The following CDC16 variants were observed in gnomAD, a reference collection of about 807,000 sequenced individuals.
CDC16 encodes cell division cycle protein 16 homolog.
A neutral mutation model predicts 87.0 loss-of-function variants in CDC16; 34 were observed. The ratio of observed to expected loss-of-function variants is 0.39; its 90% CI spans 0.30 to 0.52. The LOEUF (loss-of-function observed/expected upper bound fraction) is 0.52, where lower values mean the gene tolerates loss of function less well. Ranked by LOEUF, CDC16 falls within the 20% of genes least tolerant of loss-of-function variation. CDC16 has a pLI of 0.74. For missense variants in CDC16, 653 were observed against 751.9 expected (o/e 0.87, Z 1.54); for synonymous variants, 263 against 260.6 (o/e 1.01, Z -0.09).
chr13:114,257,761 G>A (rs2082596819), intron 13 of CDC16, among the ~76,000 whole-genome samples: 1 of 151,946 alleles, frequency 6.6e-6, no homozygotes, highest in Admixed American at 6.6e-5. Context: ...TTTTAAAATG[G>A]TAAATTAGTT....
At position 114,238,236 on chromosome 13, in the gene CDC16, C is replaced by T. The variant is rs868810979; in HGVS notation, c.202-754C>T. Among the ~76,000 whole-genome samples the T allele has an allele frequency of 3.3e-3, 444 of 134,076 alleles. 1 individual carries two copies. Among genetic ancestry groups the T allele is most frequent in the African/African-American group, 0.013 (388 of 30,788 alleles). 88.0% of individuals were successfully genotyped at this position (134,076 alleles called of 152,430 possible). A position where few individuals can be genotyped will look rare whatever the true frequency, so the allele number is the denominator to read the frequency against. On this transcript the variant is annotated intron_variant, in intron 3 of 17. Coordinates refer to ENST00000356221, the MANE Select transcript of CDC16 (RefSeq NM_001078645.3). ...TGAAGTGGAGCTGCTGCGATCTCCT[C>T]GGACGCCCAGCAGTTATTCACACTC...
intron 8 of CDC16, 84 bp from the exon 9 acceptor site, chr13:114,244,806 T>C: frequency 1.3e-6 from 1 of 775,756 alleles, no homozygotes; most frequent in Non-Finnish European, 2.2e-6. Flanking sequence ...TGTGATACCA[T>C]AATGACTGTC....
intron 9 of CDC16, chr13:114,245,724 A>G (rs1594582336): frequency 6.3e-6 from 2 of 318,928 alleles, no homozygotes; most frequent in East Asian, 1.3e-4. Flanking sequence ...TTGGTGTGAC[A>G]GGCATGAGCT....
At chr13:114,241,569 T>C (rs929483756) in intron 5 of CDC16, among the ~76,000 whole-genome samples, 1 of 152,218 alleles carries the variant, frequency 6.6e-6, no homozygotes, top group Non-Finnish European at 1.5e-5. Context: ...CTAGTAGCCG[T>C]GACATGTACT....
chr13:114,235,189 C>T, intron 1 of CDC16, 57 bp downstream of exon 1: 4 of 1,149,832 alleles, frequency 3.5e-6, no homozygotes, highest in African/African-American at 1.6e-5. Context: ...TTTTTCCGCG[C>T]GGCGTGGGGC....
chr13:114,240,011 T>A (rs893763711), intron 5 of CDC16, among the ~76,000 whole-genome samples: 12 of 149,814 alleles, frequency 8.0e-5, no homozygotes, highest in Admixed American at 8.0e-4. Flanking sequence ...AATCTGGATT[T>A]AAAAAAAAAA....
chr13:114,244,827 C>T (rs999403130), intron 8 of CDC16, 63 bp from the exon 9 acceptor site: 16 of 959,238 alleles, frequency 1.7e-5, no homozygotes, highest in Non-Finnish European at 2.0e-5. Flanking sequence ...TACACATAGC[C>T]GATCGTCGTG....
rs779539760 is a variant in CDC16, at chr13:114,244,943, C to T, written c.821C>T (p.Thr274Met). 11 of 1,604,562 alleles carry T rather than the reference C, an allele frequency of 6.9e-6. No individual in the cohort carries two copies. The highest frequency in any genetic ancestry group is 6.7e-5 in the African/African-American group (5 of 74,556). Residue 274 changes from threonine to methionine, a missense_variant, in exon 9 of 18, where the codon ACG (threonine) becomes ATG (methionine). By Grantham distance (81) the Thr-to-Met change is moderately conservative (BLOSUM62 -1). Transcript: ENST00000356221. Reference sequence around the variant, plus strand: ...AGTTGTTTACCTGTACATATAGGGACGCTTGTAGAGCTGAATAAAGCCAAT... The same window carrying T: ...AGTTGTTTACCTGTACATATAGGGATGCTTGTAGAGCTGAATAAAGCCAAT... ...HASCLPVHIGTLVELNKANEL... is the reference protein window; with the variant it reads ...HASCLPVHIGMLVELNKANEL...
rs2081414655 is a variant in CDC16 at position 114,239,179 on chromosome 13, T to C, written c.240+151T>C. ...TTCCTTTCCTTAGTCATGTTTGCTA[T>C]AAAATACTGATTCTTCGTTTACCAC... is the stretch of plus-strand genomic sequence containing the variant. On this transcript the variant is annotated intron_variant, in intron 4 of 17. Coordinates refer to ENST00000356221, the MANE Select transcript of CDC16 (RefSeq NM_001078645.3). 9 of 1,408,924 alleles carry C rather than the reference T, an allele frequency of 6.4e-6. No homozygotes were observed. The African/African-American group carries it at 7.1e-5, about 11-fold the overall frequency. 87.3% of individuals were successfully genotyped at this position (1,408,924 alleles called of 1,614,324 possible). A position where few individuals can be genotyped will look rare whatever the true frequency, so the allele number is the denominator to read the frequency against.
intron 6 of CDC16, among the ~76,000 whole-genome samples, chr13:114,243,001 G>A (rs1347708182): frequency 6.6e-6 from 1 of 152,170 alleles, no homozygotes; most frequent in Non-Finnish European, 1.5e-5. Context: ...GGAGTGCGGA[G>A]GCTGGTGGTT....
In CDC16 at chr13:114,234,934, G is replaced by A; in HGVS notation, c.-151G>A. On this transcript the variant is annotated 5_prime_UTR_variant, in exon 1 of 18. Transcript: ENST00000356221. Reference sequence around the variant, plus strand: ...CTGGGTGGGGGGTGCGGGTGTGGGTGGGGACCTGCGGCCTTCGAGTCCGCG... The same window carrying A: ...CTGGGTGGGGGGTGCGGGTGTGGGTAGGGACCTGCGGCCTTCGAGTCCGCG... 2.3e-6 allele frequency: 1 copy of A among 442,738 alleles called. No individual in the cohort carries two copies. The allele number at this position is 442,738 out of a possible 1,614,324, so 27.4% of individuals were successfully genotyped here. A position where few individuals can be genotyped will look rare whatever the true frequency, so the allele number is the denominator to read the frequency against.
intron 5 of CDC16, 115 bp from the exon 6 acceptor site, chr13:114,242,006 C>T (rs1393038065): frequency 6.7e-6 from 8 of 1,198,066 alleles, no homozygotes; most frequent in South Asian, 3.1e-5. Flanking sequence ...GAGCTATGAT[C>T]GCACCACTGA....
intron 11 of CDC16, chr13:114,247,325 A>T: frequency 4.5e-6 from 1 of 221,178 alleles, no homozygotes; most frequent in Non-Finnish European, 8.2e-6. Context: ...TGCCTAGCTG[A>T]TTTAAACATT....
intron 12 of CDC16, among the ~76,000 whole-genome samples, chr13:114,252,493 C>G (rs569169297): frequency 6.6e-6 from 1 of 152,142 alleles, no homozygotes; most frequent in South Asian, 2.1e-4. Flanking sequence ...GTTGCACACC[C>G]AGTTATGGAT....
At chr13:114,239,520 ACGG>A (rs757257345) in intron 5 of CDC16, 30 bp downstream of exon 5, 4 of 1,506,482 alleles carry the variant, frequency 2.7e-6, no homozygotes, top group South Asian at 2.8e-5. Flanking sequence ...CAGCTCAGTA[ACGG>A]CGGCGAGAAT....
At chr13:114,269,904 C>T (rs2139218334) in intron 17 of CDC16, among the ~76,000 whole-genome samples, 1 of 152,232 alleles carries the variant, frequency 6.6e-6, no homozygotes, top group African/African-American at 2.4e-5. Flanking sequence ...TGGGGTTTCA[C>T]CATGTTGGCC....
At position 114,235,078 on chromosome 13, in the gene CDC16, C is replaced by T. The variant is rs562729131; in HGVS notation, c.-7C>T. Reference sequence around the variant, plus strand: ...GGAGTGTGGCGTGAGGCCGGGCCCGCGCCGCCATGAACCTAGAGCGGCTGC... The same window carrying T: ...GGAGTGTGGCGTGAGGCCGGGCCCGTGCCGCCATGAACCTAGAGCGGCTGC... On this transcript the variant is annotated 5_prime_UTR_variant, in exon 1 of 18. Transcript: ENST00000356221. The T allele has an allele frequency of 4.4e-4, 549 of 1,245,776 alleles. No homozygotes were observed. The highest frequency in any genetic ancestry group is 5.2e-4 in the Non-Finnish European group (521 of 995,852). 77.2% of individuals were successfully genotyped at this position (1,245,776 alleles called of 1,614,324 possible).
intron 9 of CDC16, chr13:114,245,742 G>C (rs2081831135): frequency 2.7e-6 from 1 of 363,848 alleles, no homozygotes; most frequent in Non-Finnish European, 4.9e-6. Flanking sequence ...GCTTCTAAGA[G>C]AGGTGAGGTG....
chr13:114,238,510 T>C (rs2081374196), intron 3 of CDC16, among the ~76,000 whole-genome samples: 1 of 151,318 alleles, frequency 6.6e-6, no homozygotes, highest in South Asian at 2.1e-4. Context: ...GTGGAGCTGC[T>C]GCGATCTCCT....
Sources: gnomAD v4.1 joint callset for allele counts (sites outside exome capture counted in the v4.1 genomes callset) on GRCh38, gnomAD v4.1.1 for gene constraint, MANE v1.5 for transcripts, NCBI Gene and HGNC (gene_info 2026-07-23, HGNC 2026-07-21) for gene names.